The following CDH23 variants were observed in gnomAD, a reference collection of about 807,000 sequenced individuals.
CDH23 encodes cadherin-23.
A neutral mutation model predicts 317.1 loss-of-function variants in CDH23; 189 were observed. That is an observed-to-expected ratio of 0.60 (90% CI 0.53 to 0.67). The LOEUF (loss-of-function observed/expected upper bound fraction) is 0.67, where lower values mean the gene tolerates loss of function less well. CDH23 is among the 30% of genes least tolerant of loss of function. The pLI is 0.00. For synonymous variants in CDH23, 1,839 were observed against 1,876.8 expected (o/e 0.98, Z 0.52); for missense variants, 4,401 against 4,592.4 (o/e 0.96, Z 1.20).
At chr10:71,417,027 C>CTTTTT (rs59400313) in intron 1 of CDH23, among the ~76,000 whole-genome samples, 1 of 146,084 alleles carries the variant, frequency 6.8e-6, no homozygotes, top group Non-Finnish European at 1.5e-5. Context: ...CTTTGGTTTT[C>CTTTTT]TTTTTTTTTC....
At chr10:71,783,343 C>T (rs1336233063) in intron 41 of CDH23, among the ~76,000 whole-genome samples, 1 of 152,232 alleles carries the variant, frequency 6.6e-6, no homozygotes, top group African/African-American at 2.4e-5. Context: ...CACCCCGCCC[C>T]GGTCAGCTCT....
chr10:71,430,083 C>G (rs935406644), intron 1 of CDH23, among the ~76,000 whole-genome samples: 1 of 152,088 alleles, frequency 6.6e-6, no homozygotes, highest in Non-Finnish European at 1.5e-5. Flanking sequence ...ACAGGGAGAA[C>G]ACAGGGTGGG....
Position 71,738,612 on chromosome 10 carries a change from A to C in CDH23, c.4324A>C (p.Lys1442Gln), listed in dbSNP as rs750660625. The C allele has an allele frequency of 2.5e-6, 4 of 1,613,632 alleles. No homozygotes were observed. In the Admixed American group the frequency reaches 5.0e-5, roughly 20 times the overall value. The change falls in exon 35 of 70, where the codon AAG (lysine) becomes CAG (glutamine). Residue 1442 changes from lysine to glutamine, a missense_variant. This residue lies in a region of CDH23 where 3,068 missense variants were observed against 3,203.3 expected (regional missense o/e 0.96). Coordinates refer to ENST00000224721, the MANE Select transcript of CDH23 (RefSeq NM_022124.6). ...CPVGQRVATV[K>Q]AWDPDAGSNG... The stretch of plus-strand genomic sequence containing the variant: ...TGTGGGCCAGCGAGTGGCTACTGTC[A>C]AGGCCTGGGACCCTGATGCTGGCAG...
At chr10:71,717,459 A>G (rs1029968313) in intron 28 of CDH23, 4 of 152,290 alleles carry the variant, frequency 2.6e-5, no homozygotes, top group Non-Finnish European at 4.4e-5. Context: ...CAGGGACATC[A>G]TACACCTGAC....
intron 1 of CDH23, among the ~76,000 whole-genome samples, chr10:71,434,368 T>C (rs1272766983): frequency 6.6e-6 from 1 of 152,236 alleles, no homozygotes; most frequent in East Asian, 1.9e-4. Flanking sequence ...CTTGTTCCTT[T>C]CTGTGTCCTT....
At chr10:71,786,363 G>A (rs942526383) in intron 44 of CDH23, among the ~76,000 whole-genome samples, 9 of 152,230 alleles carry the variant, frequency 5.9e-5, no homozygotes, top group Middle Eastern at 6.8e-3. Flanking sequence ...TAGCTGTGTG[G>A]CTCAGCCAAG....
At chr10:71,584,539 AGTCTGTGTGTGT>A (rs1283379916) in intron 9 of CDH23, among the ~76,000 whole-genome samples, 1 of 55,636 alleles carries the variant, frequency 1.8e-5, no homozygotes, top group African/African-American at 4.9e-5. Context: ...TTTGAAGGGA[AGTCTGTGTGTGT>A]GTGTGTGTGT....
intron 1 of CDH23, among the ~76,000 whole-genome samples, chr10:71,431,772 CTGCCTGCTAGGCCAGGAGGCGT>C (rs1379999354): frequency 6.6e-6 from 1 of 152,208 alleles, no homozygotes; most frequent in Non-Finnish European, 1.5e-5. Context: ...ATGTCCCCCC[CTGCCTGCTAGGCCAGGAGGCGT>C]TGCCTGTTGG....
Position 71,704,944 on chromosome 10 carries a change from G to A in CDH23, c.2767G>A (p.Gly923Ser), listed in dbSNP as rs560251790. 1.1e-4 allele frequency: 185 copies of A among 1,612,890 alleles called. 1 individual carries two copies. The South Asian group carries it at 1.7e-3, about 15-fold the overall frequency. ...VAIDLDEGLN[G>S]LVSYRMPVGM... ...CATCGACCTCGATGAGGGCCTGAAC[G>A]GCCTGGTGTCCTACCGCATGCCGGT... The change falls in exon 25 of 70, where the codon GGC (glycine) becomes AGC (serine). Residue 923 changes from glycine (G) to serine (S), a missense_variant. Transcript: ENST00000224721.
At chr10:71,503,056 A>T (rs540586654) in intron 3 of CDH23, among the ~76,000 whole-genome samples, 1 of 152,360 alleles carries the variant, frequency 6.6e-6, no homozygotes, top group South Asian at 2.1e-4. Flanking sequence ...AGCGATCAGC[A>T]TGGGCCCAGT....
rs762669711 is a variant in CDH23, at chr10:71,446,348, A to G, written c.98A>G (p.Asn33Ser). 6 of 1,613,876 alleles carry G rather than the reference A, an allele frequency of 3.7e-6. No individual in the cohort carries two copies. The highest frequency in any genetic ancestry group is 1.1e-5 in the South Asian group (1 of 91,084). The change falls in exon 3 of 70, where the codon AAC becomes AGC. Residue 33 changes from asparagine to serine, a missense_variant. Transcript: ENST00000224721. Reference protein sequence around the residue: ...GQVNRLPFFTNHFFDTYLLIS... With the variant: ...GQVNRLPFFTSHFFDTYLLIS... ...GTGAACCGGCTGCCCTTCTTCACCA[A>G]CCACTTCTTTGATACATACCTGCTG...
chr10:71,560,178 G>A (rs1857060125), intron 6 of CDH23, among the ~76,000 whole-genome samples: 1 of 152,178 alleles, frequency 6.6e-6, no homozygotes, highest in South Asian at 2.1e-4. Flanking sequence ...CCCAGTAGGA[G>A]AGGCGCCTGC....
intron 6 of CDH23, among the ~76,000 whole-genome samples, chr10:71,513,851 T>C (rs908388966): frequency 3.3e-5 from 5 of 152,124 alleles, no homozygotes; most frequent in Admixed American, 6.5e-5. Context: ...TATCGTTCTT[T>C]GCAGGATGGC....
At chr10:71,659,564 T>C (rs1863556614) in intron 14 of CDH23, among the ~76,000 whole-genome samples, 1 of 152,206 alleles carries the variant, frequency 6.6e-6, no homozygotes, top group Admixed American at 6.5e-5. Context: ...CATATGCCTG[T>C]CATAAAAACG....
At chr10:71,452,930 C>T (rs935090709) in intron 3 of CDH23, among the ~76,000 whole-genome samples, 1 of 152,140 alleles carries the variant, frequency 6.6e-6, no homozygotes, top group Non-Finnish European at 1.5e-5. Flanking sequence ...ATCTCTGTAC[C>T]AAGCATGGTG....
At chr10:71,814,645 T>TACAC (rs921742881) in intron 69 of CDH23, among the ~76,000 whole-genome samples, 4 of 143,970 alleles carry the variant, frequency 2.8e-5, no homozygotes, top group Non-Finnish European at 4.6e-5. Context: ...TACACACACA[T>TACAC]ACACACACAC....
intron 6 of CDH23, among the ~76,000 whole-genome samples, chr10:71,542,487 G>A (rs942174158): frequency 1.3e-5 from 2 of 152,148 alleles, no homozygotes; most frequent in African/African-American, 2.4e-5. Context: ...TGCCACCTCC[G>A]ATGGCAGGAC....
chr10:71,716,500 G>T, intron 28 of CDH23: 1 of 587,460 alleles, frequency 1.7e-6, no homozygotes, highest in Non-Finnish European at 2.9e-6. Context: ...AAGGTCCAGA[G>T]ACATCACAAG....
intron 7 of CDH23, 110 bp downstream of exon 7, chr10:71,567,046 T>C: frequency 2.0e-6 from 2 of 985,338 alleles, no homozygotes; most frequent in Non-Finnish European, 3.0e-6. Flanking sequence ...CACTCGATGA[T>C]CTATAATAAT....
Sources: allele counts gnomAD v4.1 joint callset (sites outside exome capture counted in the v4.1 genomes callset), GRCh38; gene constraint gnomAD v4.1.1; regional missense constraint gnomAD v4.1.1; transcripts MANE v1.5; gene names NCBI Gene and HGNC (gene_info 2026-07-23, HGNC 2026-07-21).